The following PSMG4 variants were observed in gnomAD, a reference collection of about 807,000 sequenced individuals.
PSMG4 encodes proteasome assembly chaperone 4.
Under a neutral mutation model 11.0 loss-of-function variants are expected in PSMG4, and 10 were observed. That is an observed-to-expected ratio of 0.91 (90% CI 0.56 to 1.54). The LOEUF (loss-of-function observed/expected upper bound fraction) is 1.54. PSMG4 is among the 40% of genes most tolerant of loss of function. The pLI, the probability that PSMG4 is intolerant of heterozygous loss-of-function variation, is 0.00. For missense variants in PSMG4, 198 were observed against 160.9 expected, an observed-to-expected ratio of 1.23 and a Z score of -1.25; for synonymous variants, 95 against 71.3, an observed-to-expected ratio of 1.33 and a Z score of -1.68.
Position 3,259,183 on chromosome 6 carries a change from T to C in PSMG4, c.161T>C (p.Met54Thr), listed in dbSNP as rs899898819. Residue 54 changes from methionine (M) to threonine (T), a missense_variant, in exon 1 of 3, where the codon ATG (methionine) becomes ACG (threonine). Transcript: ENST00000438998. ...CACCTGCGCAACCTCGCCGTGGCCA[T>C]GTGCAGCCGCTACGTGAGTGCCTGG... ...TPHLRNLAVA[M>T]CSRYDSIPVS... 3 of 1,307,026 alleles carry C rather than the reference T, an allele frequency of 2.3e-6. No individual in the cohort carries two copies. Among genetic ancestry groups the C allele is most frequent in the Non-Finnish European group, 2.9e-6 (3 of 1,029,272 alleles). The allele number at this position is 1,307,026 out of a possible 1,614,324, so 81.0% of individuals were successfully genotyped here.
upstream of PSMG4, among the ~76,000 whole-genome samples, chr6:3,257,719 T>G (rs1757812876): frequency 6.6e-6 from 1 of 152,096 alleles, no homozygotes; most frequent in African/African-American, 2.4e-5. Flanking sequence ...AGGAAGCAGA[T>G]CAGTGGTTGG....
chr6:3,263,703 C>T lies in PSMG4; in HGVS notation c.194C>T (p.Thr65Ile), dbSNP rs1482938531. Residue 65 changes from threonine (T) to isoleucine (I), a missense_variant, in exon 2 of 3, where the codon ACC becomes ATC. Physicochemically the swap from Thr to Ile is moderately conservative, Grantham distance 89. Coordinates refer to ENST00000438998, the MANE Select transcript of PSMG4 (RefSeq NM_001128591.2). ...CSRYDSIPVS[T>I]SLLGDTSDTT... ...TTTTAGGACTCCATCCCCGTGTCTA[C>T]CTCCCTCCTTGGAGACACTTCCGAC... The T allele has an allele frequency of 6.4e-6, 10 of 1,550,494 alleles. No individual in the cohort carries two copies. The highest frequency in any genetic ancestry group is 7.9e-6 in the Non-Finnish European group (9 of 1,146,416).
upstream of PSMG4, among the ~76,000 whole-genome samples, chr6:3,254,769 C>T (rs1217625000): frequency 5.3e-5 from 8 of 152,266 alleles, no homozygotes; most frequent in South Asian, 6.2e-4. Context: ...TAATGCTCAC[C>T]TGTAGGGTCT....
At chr6:3,259,814 T>C (rs1365296483) in intron 1 of PSMG4, among the ~76,000 whole-genome samples, 1 of 152,192 alleles carries the variant, frequency 6.6e-6, no homozygotes, top group Admixed American at 6.5e-5. Flanking sequence ...GGGCCAAGCC[T>C]GGGACATTAT....
chr6:3,264,493 A>T, intron 2 of PSMG4: 1 of 1,303,976 alleles, frequency 7.7e-7, no homozygotes, highest in Non-Finnish European at 1.0e-6. Flanking sequence ...ACAAGCAGGA[A>T]CCTCTGTGTC....
upstream of PSMG4, chr6:3,255,108 A>G (rs1306012011): frequency 2.6e-6 from 4 of 1,550,962 alleles, no homozygotes; most frequent in South Asian, 1.2e-5. Flanking sequence ...ATAGGAGCAC[A>G]ACATCACCAG....
chr6:3,255,084 A>C (rs1345684517), upstream of PSMG4: 1 of 1,551,016 alleles, frequency 6.4e-7, no homozygotes. Context: ...TTCTATTCCT[A>C]AGAAGTTGGC....
chr6:3,254,956 T>C, upstream of PSMG4: 6 of 1,370,574 alleles, frequency 4.4e-6, no homozygotes, highest in Non-Finnish European at 5.9e-6. Context: ...CTGTTGGGTG[T>C]TGCAGAGCAT....
upstream of PSMG4, among the ~76,000 whole-genome samples, chr6:3,254,851 C>T (rs1223958664): frequency 6.6e-6 from 1 of 152,154 alleles, no homozygotes; most frequent in African/African-American, 2.4e-5. Context: ...AACACTTTAA[C>T]TCAGGGTGAA....
intron 2 of PSMG4, chr6:3,264,615 GT>G (rs1581556693): frequency 1.4e-5 from 4 of 280,002 alleles, no homozygotes; most frequent in Non-Finnish European, 2.0e-5. Flanking sequence ...TAGGACAGAG[GT>G]CAGGGAGGGC....
chr6:3,254,712 T>G (rs1283419251), upstream of PSMG4, among the ~76,000 whole-genome samples: 1 of 152,294 alleles, frequency 6.6e-6, no homozygotes, highest in East Asian at 1.9e-4. Context: ...GGGATGCGCC[T>G]GGACACCAGA....
chr6:3,263,641 G>A (rs757886986), intron 1 of PSMG4, 43 bp from the exon 2 acceptor site: 169 of 1,456,200 alleles, frequency 1.2e-4, no homozygotes, highest in African/African-American at 3.4e-4. Context: ...GCTGGCCTGC[G>A]GGGGGTGGAG....
chr6:3,267,392 G>T (rs1758235585), intron 2 of PSMG4, 199 bp from the exon 3 acceptor site: 1 of 445,748 alleles, frequency 2.2e-6, no homozygotes, highest in Non-Finnish European at 3.9e-6. Context: ...CCTGGGTCTG[G>T]TGGAGAGACT....
upstream of PSMG4, among the ~76,000 whole-genome samples, chr6:3,256,831 G>A (rs950964506): frequency 3.9e-5 from 6 of 152,158 alleles, no homozygotes; most frequent in African/African-American, 1.4e-4. Context: ...CCACGGGGAG[G>A]GTGTGCAGAC....
At chr6:3,263,312 A>G (rs548655357) in intron 1 of PSMG4, among the ~76,000 whole-genome samples, 1 of 152,316 alleles carries the variant, frequency 6.6e-6, no homozygotes, top group African/African-American at 2.4e-5. Context: ...AGGTGCCCCG[A>G]CTGTGAGTCA....
chr6:3,267,897 A>G lies in PSMG4; in HGVS notation c.*185A>G. ...CTGACCCACCTGGTGAAGGAGAGGC[A>G]AAGTGGGCAGTATATACTTCCTCAT... On this transcript the variant is annotated 3_prime_UTR_variant, in exon 3 of 3. Transcript: ENST00000438998. 1.8e-6 allele frequency: 1 copy of G among 551,348 alleles called. No homozygotes were observed. Among genetic ancestry groups the G allele is most frequent in the Non-Finnish European group, 3.2e-6 (1 of 311,986 alleles). The allele number at this position is 551,348 out of a possible 1,614,324, so 34.2% of individuals were successfully genotyped here. A position where few individuals can be genotyped will look rare whatever the true frequency, so the allele number is the denominator to read the frequency against.
chr6:3,255,312 T>G (rs114770829), upstream of PSMG4: 2,875 of 1,512,736 alleles, frequency 1.9e-3, 59 homozygotes, highest in African/African-American at 0.035. Flanking sequence ...GAGTGGTGGA[T>G]GAGGCTAACG....
chr6:3,256,229 C>T (rs577179948), upstream of PSMG4, among the ~76,000 whole-genome samples: 1 of 152,314 alleles, frequency 6.6e-6, no homozygotes, highest in East Asian at 1.9e-4. Context: ...ATGATAGCTC[C>T]TACCCTATAG....
At chr6:3,255,322 G>A (rs375400097), upstream of PSMG4, 394 of 1,496,186 alleles carry the variant, frequency 2.6e-4, no homozygotes, top group African/African-American at 2.2e-3. Context: ...TGAGGCTAAC[G>A]GCAACTGGTG....
Sources: gnomAD v4.1 joint callset for allele counts (sites outside exome capture counted in the v4.1 genomes callset) on GRCh38, gnomAD v4.1.1 for gene constraint, MANE v1.5 for transcripts, NCBI Gene and HGNC (gene_info 2026-07-23, HGNC 2026-07-21) for gene names.